Variants in CCDC138 observed in about 807,000 individuals in gnomAD.
CCDC138 encodes the protein coiled-coil domain-containing protein 138.
Under a neutral mutation model 82.3 loss-of-function variants are expected in CCDC138, and 66 were observed. That is an observed-to-expected ratio of 0.80 (90% CI 0.66 to 0.98). CCDC138 has a LOEUF of 0.98. CCDC138 is among the 50% of genes least tolerant of loss of function. The pLI is 0.00. For missense variants in CCDC138, 816 were observed against 758.9 expected (o/e 1.08, Z -0.88); for synonymous variants, 297 against 265.4 (o/e 1.12, Z -1.16).
Position 108,876,243 on chromosome 2 carries a change from C to A in CCDC138, c.1988C>A (p.Ala663Glu). The A allele has an allele frequency of 1.2e-6, 2 of 1,607,558 alleles. No individual in the cohort carries two copies. Among genetic ancestry groups the A allele is most frequent in the Non-Finnish European group, 1.7e-6 (2 of 1,175,438 alleles). ...LTKCNSLVSS[A>E]SP Reference sequence around the variant, plus strand: ...AAATGTAACTCCCTGGTCTCCAGTGCAAGCCCTTAGACTGGCTAATTTTTT... The same window carrying A: ...AAATGTAACTCCCTGGTCTCCAGTGAAAGCCCTTAGACTGGCTAATTTTTT... The change falls in exon 15 of 15, where the codon GCA becomes GAA. Residue 663 changes from alanine to glutamate, a missense_variant. Transcript: ENST00000295124.
intron 13 of CCDC138, among the ~76,000 whole-genome samples, chr2:108,859,045 A>G (rs1428612915): frequency 6.6e-6 from 1 of 152,130 alleles, no homozygotes; most frequent in African/African-American, 2.4e-5. Flanking sequence ...ACCCAGTAAT[A>G]GGATTGCTGA....
At chr2:108,791,869 C>T (rs1679967753) in intron 4 of CCDC138, 67 bp downstream of exon 4, 1 of 1,445,100 alleles carries the variant, frequency 6.9e-7, no homozygotes, top group Non-Finnish European at 9.3e-7. Context: ...ATGAAGCTTC[C>T]CTCCTAGTAA....
chr2:108,850,937 C>G (rs1344834291), intron 12 of CCDC138, among the ~76,000 whole-genome samples: 2 of 152,112 alleles, frequency 1.3e-5, no homozygotes, highest in Non-Finnish European at 2.9e-5. Context: ...CACGATCCAC[C>G]TGGAGATAGT....
chr2:108,796,428 T>C (rs1680901629), intron 5 of CCDC138, among the ~76,000 whole-genome samples: 1 of 152,088 alleles, frequency 6.6e-6, no homozygotes, highest in East Asian at 1.9e-4. Context: ...ACTTTGGAGG[T>C]TCCTTAAACT....
intron 11 of CCDC138, among the ~76,000 whole-genome samples, chr2:108,842,126 C>T (rs1312039652): frequency 1.3e-5 from 2 of 151,888 alleles, no homozygotes; most frequent in Non-Finnish European, 2.9e-5. Flanking sequence ...CTCCTGGGCT[C>T]AAGCAATCCT....
intron 4 of CCDC138, among the ~76,000 whole-genome samples, chr2:108,793,381 T>A (rs1343666730): frequency 6.6e-6 from 1 of 151,966 alleles, no homozygotes; most frequent in Non-Finnish European, 1.5e-5. Context: ...GAGAGCATTT[T>A]ATACTCTAAT....
At chr2:108,840,633 T>C (rs1012760974) in intron 11 of CCDC138, among the ~76,000 whole-genome samples, 18 of 152,292 alleles carry the variant, frequency 1.2e-4, no homozygotes, top group Non-Finnish European at 2.5e-4. Context: ...TATTCTCTTA[T>C]CCTTTTGATG....
At chr2:108,834,049 G>A (rs996009165) in intron 10 of CCDC138, among the ~76,000 whole-genome samples, 1 of 149,710 alleles carries the variant, frequency 6.7e-6, no homozygotes, top group Non-Finnish European at 1.5e-5. Flanking sequence ...CCCAGCCAAT[G>A]TGGAGTAAAC....
intron 2 of CCDC138, chr2:108,883,254 A>C (rs1696342373): frequency 6.6e-6 from 1 of 152,174 alleles, no homozygotes. Context: ...AATCTGTAGC[A>C]CCCAGTTGAG....
downstream of CCDC138, among the ~76,000 whole-genome samples, chr2:108,880,683 C>T (rs1255773312): frequency 6.6e-6 from 1 of 152,174 alleles, no homozygotes; most frequent in Non-Finnish European, 1.5e-5. Flanking sequence ...GCCTGGATGA[C>T]AGCACATCTG....
chr2:108,796,346 G>T (rs964757503), intron 5 of CCDC138, among the ~76,000 whole-genome samples: 2 of 152,048 alleles, frequency 1.3e-5, no homozygotes, highest in African/African-American at 4.8e-5. Flanking sequence ...GAGCCACCGC[G>T]CCTGGCCAAA....
rs774740071 is a variant in CCDC138 at position 108,794,631 on chromosome 2, A to G, written c.486A>G (p.Pro162=). Residue 162 remains proline, a synonymous_variant, in exon 5 of 15, where the codon CCA becomes CCG. Transcript: ENST00000295124. The part of the protein sequence containing the change: ...GDSPLKPVSC[P]KSKASDKRSL... ...CTCCTTTGAAACCTGTCAGCTGTCCAAAATCTAAAGCATCAGACAAGCGGA... is the reference window on the plus strand; with the variant it reads ...CTCCTTTGAAACCTGTCAGCTGTCCGAAATCTAAAGCATCAGACAAGCGGA... The G allele has an allele frequency of 1.6e-5, 26 of 1,614,012 alleles. No homozygotes were observed. The highest frequency in any genetic ancestry group is 2.2e-5 in the South Asian group (2 of 91,082).
chr2:108,863,294 C>CTT (rs1693914165), intron 13 of CCDC138, among the ~76,000 whole-genome samples: 1 of 152,198 alleles, frequency 6.6e-6, no homozygotes, highest in Non-Finnish European at 1.5e-5. Flanking sequence ...ACATACATAT[C>CTT]ATCTGTTTTC....
At chr2:108,871,601 G>T (rs1373545192) in intron 13 of CCDC138, among the ~76,000 whole-genome samples, 1 of 151,852 alleles carries the variant, frequency 6.6e-6, no homozygotes, top group African/African-American at 2.4e-5. Flanking sequence ...AAAAAACATT[G>T]TCCCATTTTT....
chr2:108,808,896 G>T (rs757735999), intron 7 of CCDC138, among the ~76,000 whole-genome samples: 2 of 151,998 alleles, frequency 1.3e-5, no homozygotes, highest in Admixed American at 1.3e-4. Context: ...CTTTGCCCAG[G>T]CGATTGTCGT....
chr2:108,841,977 C>T (rs1315957057), intron 11 of CCDC138, among the ~76,000 whole-genome samples: 4 of 151,790 alleles, frequency 2.6e-5, no homozygotes, highest in Non-Finnish European at 5.9e-5. Flanking sequence ...TGGAGAGTAC[C>T]CCTCCAATGA....
downstream of CCDC138, among the ~76,000 whole-genome samples, chr2:108,880,960 A>G (rs1240532640): frequency 2.6e-5 from 4 of 152,244 alleles, no homozygotes; most frequent in East Asian, 7.7e-4. Context: ...AGTTCAAAAT[A>G]TCAACATTAA....
Position 108,791,837 on chromosome 2 carries a change from G to T in CCDC138, c.394+35G>T, listed in dbSNP as rs776980618. ...ATATTTTAGAACAATCAATTCAGTA[G>T]TAACTTTGTCAAGTAGAGTAAATGA... On this transcript the variant is annotated intron_variant, in intron 4 of 14. Coordinates refer to ENST00000295124, the MANE Select transcript of CCDC138 (RefSeq NM_144978.3). The T allele has an allele frequency of 5.2e-6, 8 of 1,534,384 alleles. No individual in the cohort carries two copies. The East Asian group carries it at 1.4e-4, about 26-fold the overall frequency.
intron 13 of CCDC138, among the ~76,000 whole-genome samples, chr2:108,859,648 C>T (rs1693236593): frequency 6.6e-6 from 1 of 151,942 alleles, no homozygotes; most frequent in Non-Finnish European, 1.5e-5. Flanking sequence ...CTATTCTGTT[C>T]CATTGGTCTG....
Sources: allele counts gnomAD v4.1 joint callset (sites outside exome capture counted in the v4.1 genomes callset), GRCh38; gene constraint gnomAD v4.1.1; transcripts MANE v1.5; gene names NCBI Gene and HGNC (gene_info 2026-07-23, HGNC 2026-07-21).